TENM4: variants seen among roughly 807,000 people sequenced by gnomAD.
The protein encoded by TENM4 is teneurin-4.
A neutral mutation model predicts 243.3 loss-of-function variants in TENM4; 82 were observed. The observed-to-expected ratio is 0.34, with a 90% CI of 0.28 to 0.40. The LOEUF (loss-of-function observed/expected upper bound fraction) is 0.40, where lower values mean the gene tolerates loss of function less well. TENM4 is among the 10% of genes least tolerant of loss of function. TENM4 has a pLI of 1.00. For synonymous variants in TENM4, 1,412 were observed against 1,456.3 expected, an observed-to-expected ratio of 0.97 and a Z score of 0.69; for missense variants, 3,138 against 3,673.3, an observed-to-expected ratio of 0.85 and a Z score of 3.77.
intron 2 of TENM4, among the ~76,000 whole-genome samples, chr11:79,293,029 A>T (rs1186826627): frequency 1.3e-5 from 2 of 152,196 alleles, no homozygotes; most frequent in African/African-American, 4.8e-5. Context: ...CCACAGGAGA[A>T]CCAGCAGTTA....
chr11:79,286,492 A>C (rs1483686502), intron 2 of TENM4, among the ~76,000 whole-genome samples: 3 of 99,246 alleles, frequency 3.0e-5, no homozygotes, highest in Non-Finnish European at 6.0e-5. Context: ...GTCTCTACTA[A>C]AAAATCCAAA....
intron 9 of TENM4, among the ~76,000 whole-genome samples, chr11:78,878,022 T>C (rs1029402099): frequency 2.6e-5 from 4 of 152,324 alleles, no homozygotes; most frequent in African/African-American, 9.6e-5. Context: ...GTGCCGGCTA[T>C]GTTTCAGCAG....
intron 15 of TENM4, among the ~76,000 whole-genome samples, chr11:78,791,893 A>G (rs1157268698): frequency 6.6e-6 from 1 of 152,162 alleles, no homozygotes; most frequent in African/African-American, 2.4e-5. Flanking sequence ...GAGCTTTCTG[A>G]ATTAATGGAG....
At chr11:79,427,471 T>C (rs138662441) in intron 1 of TENM4, among the ~76,000 whole-genome samples, 1 of 152,272 alleles carries the variant, frequency 6.6e-6, no homozygotes, top group Non-Finnish European at 1.5e-5. Context: ...GAAACGATCG[T>C]GATAGATTAA....
intron 3 of TENM4, among the ~76,000 whole-genome samples, chr11:79,214,904 C>T (rs1479506231): frequency 2.0e-5 from 3 of 152,198 alleles, no homozygotes; most frequent in Non-Finnish European, 2.9e-5. Flanking sequence ...TTGATGGATG[C>T]GTAGCATGAG....
intron 18 of TENM4, among the ~76,000 whole-genome samples, chr11:78,762,598 T>C (rs1856454293): frequency 6.6e-6 from 1 of 152,198 alleles, no homozygotes; most frequent in African/African-American, 2.4e-5. Flanking sequence ...TGCTTCCTAA[T>C]CATTTATTTA....
Position 78,854,374 on chromosome 11 carries a change from T to C in TENM4, c.1471-60A>G, listed in dbSNP as rs894204439. 3.6e-6 allele frequency: 5 copies of C among 1,395,448 alleles called. No individual in the cohort carries two copies. The South Asian group carries it at 8.1e-5, about 23-fold the overall frequency. The allele number at this position is 1,395,448 out of a possible 1,614,324, so 86.4% of individuals were successfully genotyped here. A position where few individuals can be genotyped will look rare whatever the true frequency, so the allele number is the denominator to read the frequency against. ...CTGTTCCACCACGCACCAGCGTCCT[T>C]CCCGGGGCTTCTCCTGGAGAGGACA... On this transcript the variant is annotated intron_variant, in intron 11 of 33. Coordinates refer to ENST00000278550, the MANE Select transcript of TENM4 (RefSeq NM_001098816.3).
Position 78,897,022 on chromosome 11 carries a change from C to T in TENM4, c.750-5686G>A, listed in dbSNP as rs111552740. On this transcript the variant is annotated intron_variant, in intron 7 of 33. Transcript: ENST00000278550. ...CAGGAGAGTTGCCACCATTAACTGA[C>T]GAGAGTGGCTGGCTCACTGTGCCTC... Among the ~76,000 whole-genome samples the T allele has an allele frequency of 1.4e-3, 209 of 152,256 alleles. 2 individuals are homozygous for T. Among genetic ancestry groups the T allele is most frequent in the Middle Eastern group, 6.8e-3 (2 of 294 alleles).
intron 1 of TENM4, among the ~76,000 whole-genome samples, chr11:79,419,967 G>GT (rs1858895906): frequency 6.6e-6 from 1 of 152,206 alleles, no homozygotes; most frequent in Non-Finnish European, 1.5e-5. Context: ...GTGCATGTGT[G>GT]TGTGAGTGAG....
chr11:79,209,027 G>A (rs1407469421), intron 3 of TENM4, among the ~76,000 whole-genome samples: 1 of 152,154 alleles, frequency 6.6e-6, no homozygotes, highest in Non-Finnish European at 1.5e-5. Context: ...TGCAGCCGCA[G>A]GTGCAATTAG....
intron 2 of TENM4, among the ~76,000 whole-genome samples, chr11:79,292,813 A>G (rs551595405): frequency 1.4e-4 from 22 of 152,388 alleles, no homozygotes; most frequent in African/African-American, 5.0e-4. Flanking sequence ...TGGCTTTAAT[A>G]ATAGTATCTA....
chr11:78,699,440 C>T (rs1373721478), intron 28 of TENM4, among the ~76,000 whole-genome samples: 3 of 152,148 alleles, frequency 2.0e-5, no homozygotes, highest in Non-Finnish European at 4.4e-5. Flanking sequence ...TAATTCCTGC[C>T]ATCTGAGGTT....
At chr11:79,372,857 T>G (rs1857814424) in intron 1 of TENM4, among the ~76,000 whole-genome samples, 1 of 152,194 alleles carries the variant, frequency 6.6e-6, no homozygotes, top group Non-Finnish European at 1.5e-5. Context: ...AGCCTTGGCA[T>G]TGTGGATATA....
At chr11:79,255,337 C>T (rs944581644) in intron 2 of TENM4, among the ~76,000 whole-genome samples, 3 of 152,192 alleles carry the variant, frequency 2.0e-5, no homozygotes, top group Non-Finnish European at 2.9e-5. Context: ...CTTTTCAGTC[C>T]GGCCTCTCAT....
At chr11:79,408,419 G>A (rs1255868135) in intron 1 of TENM4, among the ~76,000 whole-genome samples, 9 of 152,186 alleles carry the variant, frequency 5.9e-5, no homozygotes, top group African/African-American at 2.2e-4. Context: ...TCGGAACCTT[G>A]ATTTTTCCAT....
intron 6 of TENM4, among the ~76,000 whole-genome samples, chr11:78,958,712 C>T (rs1041855041): frequency 6.6e-6 from 1 of 152,208 alleles, no homozygotes; most frequent in African/African-American, 2.4e-5. Context: ...GAGTCCAGCG[C>T]AAGCTCCCGG....
intron 3 of TENM4, among the ~76,000 whole-genome samples, chr11:79,190,338 C>T (rs1051152503): frequency 6.6e-6 from 1 of 152,168 alleles, no homozygotes; most frequent in African/African-American, 2.4e-5. Flanking sequence ...CTGTGTCACC[C>T]TTGGTAAGAG....
intron 6 of TENM4, among the ~76,000 whole-genome samples, chr11:78,985,138 C>A (rs966179017): frequency 6.6e-6 from 1 of 152,154 alleles, no homozygotes; most frequent in Non-Finnish European, 1.5e-5. Context: ...TTAATACATG[C>A]CAAGTGCTTA....
At chr11:78,927,108 A>C (rs1856569954) in intron 6 of TENM4, among the ~76,000 whole-genome samples, 1 of 152,220 alleles carries the variant, frequency 6.6e-6, no homozygotes, top group Non-Finnish European at 1.5e-5. Context: ...GAATTCCTTC[A>C]CATGGATTAT....
Sources: allele counts gnomAD v4.1 joint callset (sites outside exome capture counted in the v4.1 genomes callset), GRCh38; gene constraint gnomAD v4.1.1; transcripts MANE v1.5; gene names NCBI Gene and HGNC (gene_info 2026-07-23, HGNC 2026-07-21).